Variants in KCNB2 observed in about 807,000 individuals in gnomAD.
KCNB2 encodes potassium voltage-gated channel subfamily B member 2, also known as delayed rectifier potassium channel protein.
KCNB2 carries 15 observed loss-of-function variants against 61.5 expected under a neutral mutation model. The ratio of observed to expected loss-of-function variants is 0.24; its 90% confidence interval spans 0.16 to 0.38. KCNB2 has a LOEUF of 0.38. Among genes scored for constraint, KCNB2 ranks in the 10% least tolerant of loss-of-function variants. The probability of loss-of-function intolerance (pLI) is 1.00; values close to 1 mark genes in which losing one functional copy is unlikely to be tolerated. For synonymous variants in KCNB2, 457 were observed against 446.0 expected (o/e 1.02, Z -0.31); for missense variants, 828 against 1,125.2 (o/e 0.74, Z 3.78).
chr8:72,785,185 C>G (rs1808827404), intron 2 of KCNB2, among the ~76,000 whole-genome samples: 1 of 152,084 alleles, frequency 6.6e-6, no homozygotes, highest in African/African-American at 2.4e-5. Context: ...TCCACAAACC[C>G]CATTTTAGAA....
intron 2 of KCNB2, among the ~76,000 whole-genome samples, chr8:72,842,921 G>A (rs1247889207): frequency 2.0e-5 from 3 of 152,064 alleles, no homozygotes; most frequent in Non-Finnish European, 2.9e-5. Context: ...AGAGTTTTTT[G>A]TGTCTCTATC....
rs16938327 is a variant in KCNB2, at chr8:72,690,444, C to T, written c.579+122131C>T. ...GGATCCCTCCTTTAGGGAAATAAAG[C>T]CAAAAATAAGTGTTCTATTTCTCAA... On this transcript the variant is annotated intron_variant, in intron 2 of 2. Coordinates refer to ENST00000523207, the MANE Select transcript of KCNB2 (RefSeq NM_004770.3). 4.4e-3 allele frequency among the ~76,000 whole-genome samples: 674 copies of T among 152,304 alleles called. 6 individuals carry two copies. Among genetic ancestry groups the T allele is most frequent in the African/African-American group, 0.015 (628 of 41,554 alleles).
intron 2 of KCNB2, among the ~76,000 whole-genome samples, chr8:72,579,592 C>G (rs797002572): frequency 7.2e-5 from 11 of 152,310 alleles, no homozygotes; most frequent in African/African-American, 2.4e-4. Context: ...TGAACTCGGG[C>G]TGTGCAAGTT....
intron 2 of KCNB2, among the ~76,000 whole-genome samples, chr8:72,664,400 C>G (rs1806432837): frequency 6.6e-6 from 1 of 152,186 alleles, no homozygotes; most frequent in Non-Finnish European, 1.5e-5. Flanking sequence ...ATAAACACAT[C>G]CAGAGATAAC....
chr8:72,567,086 T>G (rs1806636065), intron 1 of KCNB2, among the ~76,000 whole-genome samples: 1 of 152,064 alleles, frequency 6.6e-6, no homozygotes, highest in Non-Finnish European at 1.5e-5. Context: ...TTTGGAACGC[T>G]GAGGCAGGTG....
Position 72,858,513 on chromosome 8 carries a change from A to G in KCNB2, c.580-77422A>G, listed in dbSNP as rs1222196130. ...GCCATTTTCTACTGAAGTTTGTTAA[A>G]TAATTTTTTCATACCTGCTTTGTTT... On this transcript the variant is annotated intron_variant, in intron 2 of 2. Coordinates refer to ENST00000523207, the MANE Select transcript of KCNB2 (RefSeq NM_004770.3). Among the ~76,000 whole-genome samples the G allele has an allele frequency of 2.6e-5, 4 of 152,220 alleles. No homozygotes were observed. The East Asian group carries it at 7.7e-4, about 29-fold the overall frequency.
At chr8:72,566,696 G>A (rs1382330164) in intron 1 of KCNB2, among the ~76,000 whole-genome samples, 1 of 140,706 alleles carries the variant, frequency 7.1e-6, no homozygotes, top group Non-Finnish European at 1.5e-5. Context: ...GGGCTACAGA[G>A]TGAGACTCTA....
chr8:72,725,131 T>A (rs1807611383), intron 2 of KCNB2, among the ~76,000 whole-genome samples: 1 of 152,036 alleles, frequency 6.6e-6, no homozygotes, highest in African/African-American at 2.4e-5. Context: ...AAAGAATAAT[T>A]TTTCTCCCCC....
At chr8:72,893,774 G>C (rs1585957868) in intron 2 of KCNB2, among the ~76,000 whole-genome samples, 1 of 152,118 alleles carries the variant, frequency 6.6e-6, no homozygotes. Context: ...CAAATGTTTT[G>C]ATTGAATTGA....
chr8:72,646,166 A>G (rs904561050), intron 2 of KCNB2, among the ~76,000 whole-genome samples: 1 of 152,076 alleles, frequency 6.6e-6, no homozygotes, highest in African/African-American at 2.4e-5. Flanking sequence ...ATGCTGATAC[A>G]GGTATATCAG....
At chr8:72,593,494 T>C (rs1256295219) in intron 2 of KCNB2, among the ~76,000 whole-genome samples, 49 of 152,238 alleles carry the variant, frequency 3.2e-4, no homozygotes, top group Non-Finnish European at 4.4e-5. Context: ...GTGTCACTAC[T>C]GAGGTCGGTA....
chr8:72,611,257 A>G (rs1805533744), intron 2 of KCNB2, among the ~76,000 whole-genome samples: 1 of 152,224 alleles, frequency 6.6e-6, no homozygotes, highest in Non-Finnish European at 1.5e-5. Flanking sequence ...GATCAGTATT[A>G]CAAGATAGAT....
chr8:72,705,277 G>A (rs1444438105), intron 2 of KCNB2, among the ~76,000 whole-genome samples: 1 of 152,150 alleles, frequency 6.6e-6, no homozygotes, highest in Non-Finnish European at 1.5e-5. Context: ...TCTTGAGATG[G>A]CCCCTCTCTG....
At chr8:72,558,864 G>C (rs1032871380) in intron 1 of KCNB2, among the ~76,000 whole-genome samples, 2 of 152,070 alleles carry the variant, frequency 1.3e-5, no homozygotes, top group Admixed American at 6.6e-5. Flanking sequence ...TTATTGGATC[G>C]TCAGGGAGGT....
chr8:72,678,138 C>T (rs1350764279), intron 2 of KCNB2, among the ~76,000 whole-genome samples: 3 of 152,172 alleles, frequency 2.0e-5, no homozygotes, highest in Non-Finnish European at 4.4e-5. Flanking sequence ...TACCCCACAT[C>T]GATTATATGA....
intron 2 of KCNB2, among the ~76,000 whole-genome samples, chr8:72,799,665 G>A (rs1563388778): frequency 6.6e-6 from 1 of 152,110 alleles, no homozygotes; most frequent in Non-Finnish European, 1.5e-5. Flanking sequence ...TAAAAAGATA[G>A]GAAAAGAAGG....
intron 1 of KCNB2, among the ~76,000 whole-genome samples, chr8:72,557,078 T>G (rs1036380358): frequency 6.6e-6 from 1 of 151,980 alleles, no homozygotes; most frequent in Non-Finnish European, 1.5e-5. Flanking sequence ...TCCCAAAAGG[T>G]CCCACCTCTT....
At chr8:72,614,726 C>A (rs1805592117) in intron 2 of KCNB2, among the ~76,000 whole-genome samples, 1 of 152,116 alleles carries the variant, frequency 6.6e-6, no homozygotes, top group Non-Finnish European at 1.5e-5. Flanking sequence ...TGTCTCCCTT[C>A]CGTTGGTTCT....
intron 2 of KCNB2, among the ~76,000 whole-genome samples, chr8:72,866,346 A>G (rs1479376460): frequency 6.6e-6 from 1 of 152,196 alleles, no homozygotes; most frequent in Non-Finnish European, 1.5e-5. Flanking sequence ...TGAATTCAGT[A>G]AAGTGCCCAT....
Sources: allele counts gnomAD v4.1 joint callset (sites outside exome capture counted in the v4.1 genomes callset), GRCh38; gene constraint gnomAD v4.1.1; transcripts MANE v1.5; gene names NCBI Gene and HGNC (gene_info 2026-07-23, HGNC 2026-07-21).